Variants in WT1 observed in about 807,000 individuals in gnomAD.
WT1 encodes WT1 transcription factor.
In WT1, 8 loss-of-function variants were observed where a neutral mutation model predicts 60.8. That is an observed-to-expected ratio of 0.13 (90% confidence interval 0.08 to 0.24). WT1 has a LOEUF of 0.24. Among genes scored for constraint, WT1 ranks in the 10% least tolerant of loss-of-function variants. The probability of loss-of-function intolerance (pLI) is 1.00; values close to 1 mark genes in which losing one functional copy is unlikely to be tolerated. For synonymous variants in WT1, 312 were observed against 297.1 expected (o/e 1.05, Z -0.52); for missense variants, 568 against 711.8 (o/e 0.80, Z 2.30).
rs142653301 is a variant in WT1, at chr11:32,428,518, T to G, written c.763A>C (p.Met255Leu). 8.7e-6 allele frequency: 14 copies of G among 1,614,130 alleles called. No homozygotes were observed. Among genetic ancestry groups the G allele is most frequent in the African/African-American group, 1.3e-5 (1 of 75,054 alleles). The change falls in exon 2 of 10, where the codon ATG becomes CTG. Residue 255 changes from methionine (M) to leucine (L), a missense_variant. This residue lies in a region of WT1 where 523 missense variants were observed against 565.1 expected (regional missense o/e 0.93). Coordinates refer to ENST00000452863, the MANE Select transcript of WT1 (RefSeq NM_024426.6). ...TTACCCAGCGAGCCCTGCTGGCCCA[T>G]GGGATCCTCATGCTTGAATGAGTGG...
chr11:32,429,969 C>A (rs1475947524), intron 1 of WT1, among the ~76,000 whole-genome samples: 1 of 139,424 alleles, frequency 7.2e-6, no homozygotes, highest in Non-Finnish European at 1.5e-5. Context: ...CACCACCACC[C>A]CCCGCCCAGA....
At chr11:32,428,392 A>G in intron 2 of WT1, 105 bp downstream of exon 2, 1 of 1,573,244 alleles carries the variant, frequency 6.4e-7, no homozygotes, top group Non-Finnish European at 8.6e-7. Context: ...AGGTCCTTTT[A>G]GATGTCCTCC....
chr11:32,407,687 C>T (rs549817848), intron 5 of WT1, among the ~76,000 whole-genome samples: 5 of 152,120 alleles, frequency 3.3e-5, no homozygotes, highest in Non-Finnish European at 4.4e-5. Flanking sequence ...AGGGCTCATA[C>T]GTGAGATGCT....
chr11:32,394,421 G>T (rs764568378), intron 7 of WT1, among the ~76,000 whole-genome samples: 1 of 151,920 alleles, frequency 6.6e-6, no homozygotes, highest in East Asian at 1.9e-4. Flanking sequence ...CAAACCCCTC[G>T]GTACCTCCTG....
Position 32,396,332 on chromosome 11 carries a change from T to C in WT1, c.1189A>G (p.Met397Val). ...TTATTGCAGCCTGGGTAAGCACACA[T>C]GAAGGGGCGTTTCTCACTGGTCTCA... The change falls in exon 7 of 10, where the codon ATG (methionine) becomes GTG (valine). Residue 397 changes from methionine to valine, a missense_variant. Met to Val is a conservative substitution (Grantham distance 21). This residue lies in a region of WT1 where 523 missense variants were observed against 565.1 expected (regional missense o/e 0.93). Coordinates refer to ENST00000452863, the MANE Select transcript of WT1 (RefSeq NM_024426.6). 6.2e-7 allele frequency: 1 copy of C among 1,614,142 alleles called. No individual in the cohort carries two copies. Among genetic ancestry groups the C allele is most frequent in the Non-Finnish European group, 8.5e-7 (1 of 1,180,040 alleles).
At chr11:32,423,451 AACCACT>A (rs761414318) in intron 3 of WT1, among the ~76,000 whole-genome samples, 131 of 152,346 alleles carry the variant, frequency 8.6e-4, no homozygotes, top group Middle Eastern at 3.4e-3. Flanking sequence ...CGCTGTCCCA[AACCACT>A]AAGAACTTTC....
At chr11:32,394,089 G>A (rs556999069) in intron 7 of WT1, among the ~76,000 whole-genome samples, 92 of 152,098 alleles carry the variant, frequency 6.0e-4, no homozygotes, top group African/African-American at 2.2e-3. Flanking sequence ...TTAGAGACAG[G>A]GTCTCACTAT....
chr11:32,427,049 C>A (rs978250926), intron 3 of WT1, among the ~76,000 whole-genome samples: 3 of 152,198 alleles, frequency 2.0e-5, no homozygotes, highest in African/African-American at 7.2e-5. Context: ...GGTTTGGGGG[C>A]AGCCGGTGTC....
At chr11:32,428,083 G>A in intron 2 of WT1, 25 bp from the exon 3 acceptor site, 2 of 1,574,420 alleles carry the variant, frequency 1.3e-6, no homozygotes, top group Non-Finnish European at 1.7e-6. Flanking sequence ...GAAGACAGCT[G>A]AGCGAGTGCG....
At chr11:32,396,496 T>A in intron 6 of WT1, 89 bp from the exon 7 acceptor site, 1 of 1,568,688 alleles carries the variant, frequency 6.4e-7, no homozygotes, top group Non-Finnish European at 8.6e-7. Flanking sequence ...CTGGAGTATA[T>A]CCAAAGAAGG....
intron 1 of WT1, chr11:32,430,581 A>G (rs1450011361): frequency 1.9e-6 from 3 of 1,608,190 alleles, no homozygotes; most frequent in South Asian, 2.2e-5. Context: ...GCACTGCACA[A>G]TCCTCAGAGC....
chr11:32,430,251 C>A (rs972174148), intron 1 of WT1, among the ~76,000 whole-genome samples: 1 of 152,138 alleles, frequency 6.6e-6, no homozygotes, highest in Non-Finnish European at 1.5e-5. Flanking sequence ...AGCTCTCCTG[C>A]ATGGGCGAGC....
At chr11:32,431,402 G>A (rs1285526139) in intron 1 of WT1, among the ~76,000 whole-genome samples, 1 of 151,916 alleles carries the variant, frequency 6.6e-6, no homozygotes, top group Non-Finnish European at 1.5e-5. Flanking sequence ...GAGCCTGCGG[G>A]GCTGCGGGAT....
chr11:32,392,823 T>C, intron 7 of WT1, 68 bp from the exon 8 acceptor site: 4 of 1,439,266 alleles, frequency 2.8e-6, no homozygotes, highest in East Asian at 4.6e-5. Flanking sequence ...AGGCAACCTC[T>C]CCTACTAGGA....
chr11:32,428,107 G>A, intron 2 of WT1, 49 bp from the exon 3 acceptor site: 1 of 1,521,490 alleles, frequency 6.6e-7, no homozygotes, highest in Non-Finnish European at 8.9e-7. Context: ...CAAGGGCTCG[G>A]GGTGCGAGGC....
intron 7 of WT1, among the ~76,000 whole-genome samples, chr11:32,395,866 A>C (rs952990867): frequency 6.6e-5 from 10 of 151,886 alleles, no homozygotes; most frequent in African/African-American, 2.2e-4. Flanking sequence ...TCTTTGGACC[A>C]TCTCTTCTAA....
intron 3 of WT1, among the ~76,000 whole-genome samples, chr11:32,422,057 C>T (rs574495231): frequency 3.8e-4 from 58 of 152,372 alleles, no homozygotes; most frequent in Non-Finnish European, 5.1e-4. Context: ...ACAGAAAGGC[C>T]TCTGTGGGTG....
chr11:32,404,847 C>G (rs1378917498), intron 5 of WT1, among the ~76,000 whole-genome samples: 1 of 152,152 alleles, frequency 6.6e-6, no homozygotes, highest in African/African-American at 2.4e-5. Context: ...TGTTTTCTCC[C>G]CAGCTTGTTC....
At chr11:32,427,159 A>G (rs1853077686) in intron 3 of WT1, among the ~76,000 whole-genome samples, 1 of 152,150 alleles carries the variant, frequency 6.6e-6, no homozygotes, top group Admixed American at 6.5e-5. Flanking sequence ...CCCCGCCCCA[A>G]CTTCCAGCCC....
Sources: gnomAD v4.1 joint callset for allele counts (sites outside exome capture counted in the v4.1 genomes callset) on GRCh38, gnomAD v4.1.1 for gene constraint, gnomAD v4.1.1 regional missense constraint, MANE v1.5 for transcripts, NCBI Gene and HGNC (gene_info 2026-07-23, HGNC 2026-07-21) for gene names.